Variants in LRP1B observed in about 807,000 individuals in gnomAD.
LRP1B encodes LDL receptor related protein 1B, also known as low-density lipoprotein receptor-related protein 1B.
LRP1B carries 217 observed loss-of-function variants against 556.6 expected under a neutral mutation model. The ratio of observed to expected loss-of-function variants is 0.39; its 90% CI spans 0.35 to 0.44. The LOEUF (loss-of-function observed/expected upper bound fraction) is 0.44, where lower values mean the gene tolerates loss of function less well. Among genes scored for constraint, LRP1B ranks in the 20% least tolerant of loss-of-function variants. The pLI, the probability that LRP1B is intolerant of heterozygous loss-of-function variation, is 1.00. For synonymous variants in LRP1B, 2,047 were observed against 1,865.8 expected (o/e 1.10, Z -2.50); for missense variants, 5,053 against 5,620.8 (o/e 0.90, Z 3.23).
intron 18 of LRP1B, among the ~76,000 whole-genome samples, chr2:140,965,387 C>A (rs1016539563): frequency 2.8e-4 from 42 of 151,412 alleles, no homozygotes; most frequent in African/African-American, 9.7e-4. Flanking sequence ...AAAAATGATA[C>A]CTCCACATGG....
intron 35 of LRP1B, among the ~76,000 whole-genome samples, chr2:140,766,487 G>A (rs1323594358): frequency 6.6e-6 from 1 of 151,968 alleles, no homozygotes; most frequent in Admixed American, 6.6e-5. Flanking sequence ...GCTCCTGATA[G>A]CACCACCACC....
intron 56 of LRP1B, 56 bp from the exon 57 acceptor site, chr2:140,492,749 T>C: frequency 8.1e-7 from 1 of 1,229,570 alleles, no homozygotes; most frequent in East Asian, 2.3e-5. Flanking sequence ...TTTTCCCCTT[T>C]GCATAATTTC....
intron 2 of LRP1B, among the ~76,000 whole-genome samples, chr2:141,645,032 CT>C (rs1256754812): frequency 6.6e-6 from 1 of 152,014 alleles, no homozygotes; most frequent in Non-Finnish European, 1.5e-5. Context: ...AATATTCAAG[CT>C]GATGATATAA....
chr2:142,109,894 C>T (rs1450324394), intron 1 of LRP1B, among the ~76,000 whole-genome samples: 1 of 152,046 alleles, frequency 6.6e-6, no homozygotes, highest in Non-Finnish European at 1.5e-5. Context: ...CTCACAGGCC[C>T]CTTACCTGAA....
At chr2:141,269,595 TG>T (rs1471745696) in intron 3 of LRP1B, among the ~76,000 whole-genome samples, 4 of 152,064 alleles carry the variant, frequency 2.6e-5, no homozygotes, top group African/African-American at 9.7e-5. Flanking sequence ...CTGCATACTA[TG>T]GGGAAATAGA....
chr2:140,975,591 G>A (rs1696571569), intron 18 of LRP1B, among the ~76,000 whole-genome samples: 1 of 152,112 alleles, frequency 6.6e-6, no homozygotes, highest in African/African-American at 2.4e-5. Flanking sequence ...TTTCAAAATG[G>A]GTTGGAACAA....
chr2:140,847,950 G>C (rs1692326386), intron 29 of LRP1B, among the ~76,000 whole-genome samples: 1 of 151,910 alleles, frequency 6.6e-6, no homozygotes, highest in South Asian at 2.1e-4. Flanking sequence ...TTTTCTCAAA[G>C]ATAAACTCAC....
intron 11 of LRP1B, among the ~76,000 whole-genome samples, chr2:141,025,781 T>C (rs768972173): frequency 3.9e-5 from 6 of 152,192 alleles, no homozygotes; most frequent in East Asian, 3.9e-4. Flanking sequence ...CTCTAGAGAA[T>C]CCTAACTAGT....
chr2:141,851,694 ATTGT>A (rs1424281546), intron 1 of LRP1B, among the ~76,000 whole-genome samples: 2 of 151,744 alleles, frequency 1.3e-5, no homozygotes, highest in East Asian at 3.9e-4. Context: ...GGAGTTTGTT[ATTGT>A]TTTAGTTTTA....
chr2:140,733,307 C>T (rs973790273), intron 35 of LRP1B, among the ~76,000 whole-genome samples: 2 of 152,020 alleles, frequency 1.3e-5, no homozygotes, highest in Non-Finnish European at 2.9e-5. Flanking sequence ...ATTCTATTCC[C>T]ATTGCTTGTT....
chr2:141,759,951 C>T (rs571558062), intron 2 of LRP1B, among the ~76,000 whole-genome samples: 7 of 152,114 alleles, frequency 4.6e-5, no homozygotes, highest in East Asian at 3.9e-4. Context: ...GCCAACATGG[C>T]GTAACCTGTC....
At chr2:140,268,118 G>A (rs1351442296) in intron 86 of LRP1B, among the ~76,000 whole-genome samples, 1 of 151,862 alleles carries the variant, frequency 6.6e-6, no homozygotes, top group East Asian at 1.9e-4. Context: ...AATGAAGACT[G>A]GGATTCAGGA....
intron 83 of LRP1B, among the ~76,000 whole-genome samples, chr2:140,299,067 TC>T (rs1426772342): frequency 5.3e-5 from 8 of 152,104 alleles, no homozygotes; most frequent in African/African-American, 1.9e-4. Context: ...TAGAGAATAT[TC>T]ATGCCATTTC....
intron 14 of LRP1B, among the ~76,000 whole-genome samples, chr2:141,008,796 A>G (rs1697654191): frequency 6.6e-6 from 1 of 151,956 alleles, no homozygotes; most frequent in Admixed American, 6.6e-5. Context: ...ACTTTTAGTT[A>G]GCAGTTTGAA....
chr2:142,062,768 C>A (rs1443291413), intron 1 of LRP1B, among the ~76,000 whole-genome samples: 1 of 151,714 alleles, frequency 6.6e-6, no homozygotes, highest in East Asian at 1.9e-4. Context: ...TGCCTTGACA[C>A]TATTTACAAG....
At chr2:141,541,533 T>C (rs1246666457) in intron 2 of LRP1B, among the ~76,000 whole-genome samples, 4 of 152,038 alleles carry the variant, frequency 2.6e-5, no homozygotes, top group African/African-American at 9.6e-5. Flanking sequence ...ATTTCATCTC[T>C]TTTGTCCCCT....
At chr2:141,471,282 T>TTTGTTTTTA (rs1553518999) in intron 3 of LRP1B, among the ~76,000 whole-genome samples, 1 of 113,844 alleles carries the variant, frequency 8.8e-6, no homozygotes, top group Non-Finnish European at 1.9e-5. Flanking sequence ...TTTTTTTTTT[T>TTTGTTTTTA]TTTTTTTTTT....
intron 3 of LRP1B, among the ~76,000 whole-genome samples, chr2:141,346,295 G>A (rs780956344): frequency 4.2e-4 from 64 of 152,128 alleles, no homozygotes; most frequent in African/African-American, 4.6e-4. Context: ...AAAGCAACCC[G>A]TTGGGTGTTG....
chr2:141,292,799 A>G (rs939982374), intron 3 of LRP1B, among the ~76,000 whole-genome samples: 3 of 152,180 alleles, frequency 2.0e-5, no homozygotes, highest in African/African-American at 7.2e-5. Context: ...ATGAATCGAA[A>G]TAAACTTGAC....
Sources: gnomAD v4.1 joint callset for allele counts (sites outside exome capture counted in the v4.1 genomes callset) on GRCh38, gnomAD v4.1.1 for gene constraint, MANE v1.5 for transcripts, NCBI Gene and HGNC (gene_info 2026-07-23, HGNC 2026-07-21) for gene names.